Variants in LPAR1 observed in about 807,000 individuals in gnomAD.
The protein encoded by LPAR1 is lysophosphatidic acid receptor 1, also known as LPA receptor 1.
A neutral mutation model predicts 23.8 loss-of-function variants in LPAR1; 5 were observed. That is an observed-to-expected ratio of 0.21 (90% CI 0.11 to 0.44). LPAR1 has a LOEUF of 0.44. Among genes scored for constraint, LPAR1 ranks in the 20% least tolerant of loss-of-function variants. The pLI is 0.99. For synonymous variants in LPAR1, 160 were observed against 164.7 expected (o/e 0.97, Z 0.22); for missense variants, 311 against 482.8 (o/e 0.64, Z 3.33).
chr9:110,913,901 T>A (rs2092761565), intron 5 of LPAR1, among the ~76,000 whole-genome samples: 1 of 152,178 alleles, frequency 6.6e-6, no homozygotes, highest in Non-Finnish European at 1.5e-5. Flanking sequence ...AATGGGTGCC[T>A]GCTATATTTT....
intron 2 of LPAR1, among the ~76,000 whole-genome samples, chr9:111,027,236 G>A (rs1370423003): frequency 1.3e-5 from 2 of 152,060 alleles, no homozygotes; most frequent in Admixed American, 6.6e-5. Flanking sequence ...GGCCAGGTGC[G>A]GCGTTCATGC....
chr9:110,977,882 AGG>A, intron 2 of LPAR1, among the ~76,000 whole-genome samples: 2 of 149,384 alleles, frequency 1.3e-5, no homozygotes, highest in African/African-American at 2.5e-5. Flanking sequence ...GAAGGAAGGA[AGG>A]AAGGAAGGAA....
intron 5 of LPAR1, among the ~76,000 whole-genome samples, chr9:110,938,616 G>T (rs2094882633): frequency 6.6e-6 from 1 of 151,936 alleles, no homozygotes; most frequent in South Asian, 2.1e-4. Context: ...CATTTTGGGA[G>T]GCCAAGGCAG....
intron 2 of LPAR1, among the ~76,000 whole-genome samples, chr9:111,011,202 T>C (rs1467595745): frequency 1.4e-4 from 22 of 152,180 alleles, no homozygotes; most frequent in Admixed American, 1.4e-3. Flanking sequence ...ACTAGTCTTA[T>C]TTCAGCCTCG....
intron 2 of LPAR1, among the ~76,000 whole-genome samples, chr9:111,032,352 G>A (rs2097814118): frequency 6.6e-6 from 1 of 152,120 alleles, no homozygotes; most frequent in South Asian, 2.1e-4. Flanking sequence ...TGAGGGTCAA[G>A]TGCCCCCGCT....
At chr9:110,983,866 T>G (rs2096725405) in intron 2 of LPAR1, among the ~76,000 whole-genome samples, 1 of 151,918 alleles carries the variant, frequency 6.6e-6, no homozygotes, top group Non-Finnish European at 1.5e-5. Flanking sequence ...AGGAATAAAT[T>G]TCAAGATTTT....
intron 2 of LPAR1, among the ~76,000 whole-genome samples, chr9:110,982,243 T>C (rs1225189104): frequency 3.3e-5 from 5 of 152,120 alleles, no homozygotes; most frequent in African/African-American, 1.2e-4. Context: ...CATCAAATGA[T>C]AGACTGAATA....
intron 5 of LPAR1, among the ~76,000 whole-genome samples, chr9:110,907,916 A>AACAC (rs35043548): frequency 0.14 from 19,259 of 139,644 alleles, 2,061 homozygotes; most frequent in African/African-American, 0.31. Flanking sequence ...CCTTTGACAA[A>AACAC]ACACACACAC....
intron 4 of LPAR1, among the ~76,000 whole-genome samples, chr9:110,952,571 C>T (rs140561369): frequency 3.1e-3 from 469 of 152,346 alleles, no homozygotes; most frequent in Non-Finnish European, 4.7e-3. Flanking sequence ...AGCAACTCTG[C>T]TGCCCACGAT....
Position 110,940,305 on chromosome 9 carries a change from C to A in LPAR1, c.793+1116G>T, listed in dbSNP as rs149869353. Reference sequence around the variant, plus strand: ...TCTGAATACTACTTTATATAATGATCAGCAGGACCCTGTCTCCTTCCAGTG... The same window carrying A: ...TCTGAATACTACTTTATATAATGATAAGCAGGACCCTGTCTCCTTCCAGTG... On this transcript the variant is annotated intron_variant, in intron 5 of 5. Transcript: ENST00000683809. Among the ~76,000 whole-genome samples, 176 of 152,290 alleles carry A rather than the reference C, an allele frequency of 1.2e-3. 1 individual carries two copies. The highest frequency in any genetic ancestry group is 4.0e-3 in the African/African-American group (166 of 41,564).
chr9:110,880,649 T>C (rs2080496403), intron 5 of LPAR1, among the ~76,000 whole-genome samples: 1 of 152,212 alleles, frequency 6.6e-6, no homozygotes, highest in Non-Finnish European at 1.5e-5. Context: ...AAATCAATTC[T>C]ACAACAGCAC....
Position 110,874,801 on chromosome 9 carries a change from T to A in LPAR1, c.*620A>T, listed in dbSNP as rs1337320552. ...CTGGCTTTGAAGTCTAGGTTCTATTTCCTAGAAGATTTAACATTAGTATCC... is the reference window on the plus strand; with the variant it reads ...CTGGCTTTGAAGTCTAGGTTCTATTACCTAGAAGATTTAACATTAGTATCC... On this transcript the variant is annotated 3_prime_UTR_variant, in exon 6 of 6. Coordinates refer to ENST00000683809, the MANE Select transcript of LPAR1 (RefSeq NM_001351411.2). 7 of 152,680 alleles carry A rather than the reference T, an allele frequency of 4.6e-5. No individual in the cohort carries two copies. Among genetic ancestry groups the A allele is most frequent in the African/African-American group, 7.2e-5 (3 of 41,480 alleles). 9.5% of individuals were successfully genotyped at this position (152,680 alleles called of 1,614,324 possible).
chr9:110,878,882 T>A (rs1012956390), intron 5 of LPAR1, among the ~76,000 whole-genome samples: 4 of 152,116 alleles, frequency 2.6e-5, no homozygotes, highest in Admixed American at 2.0e-4. Flanking sequence ...ATAAAGAGAT[T>A]CCTAGGACTT....
intron 1 of LPAR1, among the ~76,000 whole-genome samples, chr9:111,037,241 T>C (rs1052283433): frequency 6.6e-6 from 1 of 152,178 alleles, no homozygotes; most frequent in Non-Finnish European, 1.5e-5. Flanking sequence ...ATATTTATGT[T>C]TACCAATATC....
intron 5 of LPAR1, among the ~76,000 whole-genome samples, chr9:110,929,418 A>G (rs1388379084): frequency 6.6e-6 from 1 of 152,222 alleles, no homozygotes; most frequent in African/African-American, 2.4e-5. Flanking sequence ...CATGACAAAG[A>G]CTATGTAACA....
At chr9:110,961,339 G>C (rs12377575) in intron 4 of LPAR1, among the ~76,000 whole-genome samples, 32,612 of 151,526 alleles carry the variant, frequency 0.22, 4,280 homozygotes, top group Admixed American at 0.29. Context: ...AGAGGTTTAG[G>C]GCCAGGCACG....
At chr9:111,009,725 G>C (rs991725008) in intron 2 of LPAR1, among the ~76,000 whole-genome samples, 2 of 151,072 alleles carry the variant, frequency 1.3e-5, no homozygotes, top group Non-Finnish European at 3.0e-5. Flanking sequence ...TATATGAAGG[G>C]ACATATACCA....
At chr9:110,900,094 C>T (rs4978966) in intron 5 of LPAR1, among the ~76,000 whole-genome samples, 24,824 of 152,194 alleles carry the variant, frequency 0.16, 2,585 homozygotes, top group Admixed American at 0.24. Flanking sequence ...TATCACAAAA[C>T]TTTGTGACTC....
chr9:110,913,385 G>T (rs1403493335), intron 5 of LPAR1, among the ~76,000 whole-genome samples: 3 of 152,048 alleles, frequency 2.0e-5, no homozygotes, highest in Admixed American at 6.6e-5. Context: ...AATCAGAAAG[G>T]TTCATTATCC....
Sources: allele counts gnomAD v4.1 joint callset (sites outside exome capture counted in the v4.1 genomes callset), GRCh38; gene constraint gnomAD v4.1.1; transcripts MANE v1.5; gene names NCBI Gene and HGNC (gene_info 2026-07-23, HGNC 2026-07-21).